Variants in MED12 observed in about 807,000 individuals in gnomAD.
MED12 encodes mediator complex subunit 12, also known as mediator of RNA polymerase II transcription subunit 12.
Under a neutral mutation model 177.7 loss-of-function variants are expected in MED12, and 10 were observed. That is an observed-to-expected ratio of 0.06 (90% CI 0.03 to 0.10). MED12 has a LOEUF of 0.10. MED12 is among the 10% of genes least tolerant of loss of function. The pLI is 1.00. For synonymous variants in MED12, 641 were observed against 678.4 expected (o/e 0.94, Z 0.86); for missense variants, 867 against 1,780.8 (o/e 0.49, Z 9.23).
In MED12 at chrX:71,129,103, C is replaced by T; in HGVS notation, c.3476-11C>T. 1 of 1,190,928 alleles carries T rather than the reference C, an allele frequency of 8.4e-7. No individual in the cohort carries two copies. Among genetic ancestry groups the T allele is most frequent in the South Asian group, 1.8e-5 (1 of 56,499 alleles). On this transcript the variant is annotated splice_polypyrimidine_tract_variant and intron_variant, in intron 24 of 44. Coordinates refer to ENST00000374080, the MANE Select transcript of MED12 (RefSeq NM_005120.3). The stretch of plus-strand genomic sequence containing the variant: ...TTCATCCCTTCCAGATCTGTTTTGT[C>T]TTCCTTTTAGCTTGTAGTGAACAGG...
rs1304871463 is a variant in MED12, at chrX:71,136,997, G to A, written c.5519G>A (p.Gly1840Asp). The stretch of plus-strand genomic sequence containing the variant: ...CTTAACTACAGGCAAGGCTCCATAG[G>A]CCTGTACACCCAGAACCAGCCACTA... ...THLNYRQGSI[G>D]LYTQNQPLPA... Residue 1840 changes from glycine to aspartate, a missense_variant, in exon 38 of 45, where the codon GGC (glycine) becomes GAC (aspartate). Gly to Asp is a moderately conservative substitution (Grantham distance 94). Coordinates refer to ENST00000374080, the MANE Select transcript of MED12 (RefSeq NM_005120.3). The A allele has an allele frequency of 8.4e-7, 1 of 1,197,453 alleles. No individual in the cohort carries two copies. Among genetic ancestry groups the A allele is most frequent in the East Asian group, 3.0e-5 (1 of 33,111 alleles).
rs1362044936 is a variant in MED12, at chrX:71,140,776, G to C, written c.6186G>C (p.Gln2062His). Residue 2062 changes from glutamine (Q) to histidine (H), a missense_variant, in exon 42 of 45, where the codon CAG (glutamine) becomes CAC (histidine). Transcript: ENST00000374080. The stretch of plus-strand genomic sequence containing the variant: ...AGCAGCAACAGCAGCAACAGCAACA[G>C]CAGCAGCAGCAGCAACAGCAACAGC... The part of the protein sequence containing the change: ...QQQQQQQQQQ[Q>H]QQQQQQQQQQ... 1.0e-5 allele frequency: 12 copies of C among 1,195,356 alleles called. No individual in the cohort carries two copies. Among genetic ancestry groups the C allele is most frequent in the African/African-American group, 1.8e-5 (1 of 56,550 alleles).
At chrX:71,140,539 G>A (rs2092344244) in intron 41 of MED12, 96 bp from the exon 42 acceptor site, 1 of 1,201,055 alleles carries the variant, frequency 8.3e-7, no homozygotes, top group Admixed American at 2.2e-5. Context: ...GAAATAACCT[G>A]CTAACGTTTC....
At chrX:71,135,565 C>T (rs182896782) in intron 36 of MED12, among the ~76,000 whole-genome samples, 1 of 111,290 alleles carries the variant, frequency 9.0e-6, no homozygotes, top group East Asian at 2.8e-4. Flanking sequence ...TCTATCTGGC[C>T]GACAGCCTGT....
Position 71,137,264 on chromosome X carries a change from G to T in MED12, c.5629G>T (p.Val1877Leu), listed in dbSNP as rs766078065. Residue 1877 changes from valine to leucine, a missense_variant, in exon 39 of 45, where the codon GTG (valine) becomes TTG (leucine). Physicochemically the swap from Val to Leu is conservative, Grantham distance 32 (BLOSUM62 1). Transcript: ENST00000374080. ...GCCCACCCGACCAACTTACCCTGGA[G>T]TGCTGCCCACAACCATGACTGGCGT... ...KLPTRPTYPG[V>L]LPTTMTGVMG... 8.3e-7 allele frequency: 1 copy of T among 1,211,984 alleles called. No individual in the cohort carries two copies. The highest frequency in any genetic ancestry group is 1.8e-5 in the South Asian group (1 of 57,013).
In MED12 at chrX:71,140,510, A is replaced by T. The variant is rs1054947022; in HGVS notation, c.6045-125A>T. 4.6e-5 allele frequency: 52 copies of T among 1,138,010 alleles called. No individual in the cohort carries two copies. In the Admixed American group the frequency reaches 1.0e-3, roughly 22 times the overall value. The allele number at this position is 1,138,010 out of a possible 1,213,427, so 93.8% of individuals were successfully genotyped here. On this transcript the variant is annotated intron_variant, in intron 41 of 44. Transcript: ENST00000374080. ...TATTCCCCAGACTGGAAGTCTGGTT[A>T]GTGACACGAGGAATGAATGAAATAA...
Position 71,132,185 on chromosome X carries a change from G to A in MED12, c.4232G>A (p.Ser1411Asn), listed in dbSNP as rs761320689. ...ACTGCAAGCAACATGCCCAGCAGCA[G>A]CAAGACCAAGCCTGTGCTCAGGTCG... ...GSTASNMPSS[S>N]KTKPVLSSLE... Residue 1411 changes from serine to asparagine, a missense_variant, in exon 30 of 45, where the codon AGC (serine) becomes AAC (asparagine). This residue lies in a region of MED12 where 46 missense variants were observed against 71.7 expected (regional missense o/e 0.64). Transcript: ENST00000374080. 2.2e-5 allele frequency: 27 copies of A among 1,210,041 alleles called. No individual in the cohort carries two copies. Among genetic ancestry groups the A allele is most frequent in the Non-Finnish European group, 2.8e-5 (25 of 894,892 alleles).
Position 71,135,304 on chromosome X carries a change from A to T in MED12, c.5025+51A>T, listed in dbSNP as rs371232452. ...CCTTGCCTTTTTTCCCCTTTGGGCA[A>T]GAACTTTGCCTGCATCAGCTTTGTA... On this transcript the variant is annotated intron_variant, in intron 36 of 44. Coordinates refer to ENST00000374080, the MANE Select transcript of MED12 (RefSeq NM_005120.3). The T allele has an allele frequency of 3.5e-5, 42 of 1,191,431 alleles. No individual in the cohort carries two copies. In the African/African-American group the frequency reaches 5.4e-4, roughly 15 times the overall value.
Position 71,130,177 on chromosome X carries a change from A to T in MED12, c.4010A>T (p.Glu1337Val). 8.3e-7 allele frequency: 1 copy of T among 1,209,543 alleles called. No individual in the cohort carries two copies. The highest frequency in any genetic ancestry group is 1.1e-6 in the Non-Finnish European group (1 of 894,196). The part of the protein sequence containing the change: ...PHRLLDNEDG[E>V]NPQRQRIKRI... ...CGACTGCTGGACAATGAGGATGGGG[A>T]AAACCCCCAGCGGCAGCGCATAAAG... The change falls in exon 28 of 45, where the codon GAA becomes GTA. Residue 1337 changes from glutamate (E) to valine (V), a missense_variant. Glu to Val is a moderately radical substitution (Grantham distance 121). Transcript: ENST00000374080.
rs376873784 is a variant in MED12, at chrX:71,123,568, C to T, written c.1618-26C>T. ...GTGAAGAAGCAGGTAAAAGTCAGTT[C>T]TACAATTTGTTCTGTCATCTTGCAG... On this transcript the variant is annotated intron_variant, in intron 11 of 44. Transcript: ENST00000374080. 2.2e-5 allele frequency: 26 copies of T among 1,208,672 alleles called. 1 individual carries two copies. The highest frequency in any genetic ancestry group is 8.9e-5 in the East Asian group (3 of 33,717).
At chrX:71,121,842 G>A (rs1036703145) in intron 7 of MED12, 26 bp downstream of exon 7, 1 of 1,211,814 alleles carries the variant, frequency 8.3e-7, no homozygotes, top group Non-Finnish European at 1.1e-6. Context: ...GCCCAAGGAA[G>A]CATTGAGAGA....
chrX:71,128,586 T>A lies in MED12; in HGVS notation c.3355-12T>A. On this transcript the variant is annotated splice_polypyrimidine_tract_variant and intron_variant, in intron 23 of 44. Coordinates refer to ENST00000374080, the MANE Select transcript of MED12 (RefSeq NM_005120.3). ...ACACTGAGTCATGGTGTCTGTCTGT[T>A]TTTTCCTCCAGGTCAGTGACCTATC... 1 of 1,210,713 alleles carries A rather than the reference T, an allele frequency of 8.3e-7. No individual in the cohort carries two copies. The highest frequency in any genetic ancestry group is 1.7e-5 in the African/African-American group (1 of 57,577).
chrX:71,137,131 C>T lies in MED12; in HGVS notation c.5552-56C>T, dbSNP rs868748139. The stretch of plus-strand genomic sequence containing the variant: ...TGAGGAGCTATGGATGTCAAGGACA[C>T]TGAGCAAGAGACAGAGGGATGAGGA... On this transcript the variant is annotated intron_variant, in intron 38 of 44. Transcript: ENST00000374080. 2.5e-6 allele frequency: 3 copies of T among 1,199,094 alleles called. No homozygotes were observed. In the Middle Eastern group the frequency reaches 6.9e-4, roughly 277 times the overall value.
Position 71,121,834 on chromosome X carries a change from C to T in MED12, c.1101+18C>T, listed in dbSNP as rs200510424. On this transcript the variant is annotated intron_variant, in intron 7 of 44. Transcript: ENST00000374080. The stretch of plus-strand genomic sequence containing the variant: ...TCCTACAGGTAGGTACTAGGCGGGC[C>T]CAAGGAAGCATTGAGAGATAGCCTG... 191 of 1,210,131 alleles carry T rather than the reference C, an allele frequency of 1.6e-4. No homozygotes were observed. The highest frequency in any genetic ancestry group is 1.1e-3 in the Middle Eastern group (5 of 4,375).
intron 41 of MED12, among the ~76,000 whole-genome samples, chrX:71,140,351 G>T (rs1464408103): frequency 1.8e-5 from 2 of 109,961 alleles, no homozygotes; most frequent in Non-Finnish European, 3.8e-5. Context: ...CAAAGTGCTG[G>T]GATTACAGGT....
chrX:71,141,568 C>T (rs776092947), intron 43 of MED12, among the ~76,000 whole-genome samples, 198 bp downstream of exon 43: 1 of 112,374 alleles, frequency 8.9e-6, no homozygotes, highest in Admixed American at 9.4e-5. Flanking sequence ...GCAGGTGGAT[C>T]ACTTGAGGTC....
intron 30 of MED12, 26 bp from the exon 31 acceptor site, chrX:71,132,351 C>G: frequency 8.3e-7 from 1 of 1,209,168 alleles, no homozygotes; most frequent in Non-Finnish European, 1.1e-6. Context: ...TCCCCTGTGA[C>G]CCTGTGTCCT....
chrX:71,129,014 T>C, intron 24 of MED12, 100 bp from the exon 25 acceptor site: 1 of 668,978 alleles, frequency 1.5e-6, no homozygotes, highest in Admixed American at 2.3e-5. Flanking sequence ...TTCTCTCCCA[T>C]GCCCCTGCCA....
At chrX:71,127,855 T>C (rs1323046239) in intron 21 of MED12, 38 bp from the exon 22 acceptor site, 14 of 1,093,285 alleles carry the variant, frequency 1.3e-5, no homozygotes, top group Non-Finnish European at 1.8e-5. Context: ...CAGCAGGCCT[T>C]CTTCAACACT....
Sources: gnomAD v4.1 joint callset for allele counts (sites outside exome capture counted in the v4.1 genomes callset) on GRCh38, gnomAD v4.1.1 for gene constraint, gnomAD v4.1.1 regional missense constraint, MANE v1.5 for transcripts, NCBI Gene and HGNC (gene_info 2026-07-23, HGNC 2026-07-21) for gene names.